The following RUNDC3B variants were observed in gnomAD, a reference collection of about 807,000 sequenced individuals.
The protein encoded by RUNDC3B is RUN domain-containing protein 3B.
RUNDC3B carries 33 observed loss-of-function variants against 58.4 expected under a neutral mutation model. The ratio of observed to expected loss-of-function variants is 0.56; its 90% CI spans 0.43 to 0.75. The LOEUF is 0.75. Ranked by LOEUF, RUNDC3B falls within the 30% of genes least tolerant of loss-of-function variation. RUNDC3B has a pLI of 0.00. For missense variants in RUNDC3B, 501 were observed against 535.7 expected (o/e 0.94, Z 0.64); for synonymous variants, 193 against 195.2 (o/e 0.99, Z 0.10).
chr7:87,660,571 T>G (rs1399966893), intron 2 of RUNDC3B, among the ~76,000 whole-genome samples: 1 of 152,016 alleles, frequency 6.6e-6, no homozygotes, highest in Non-Finnish European at 1.5e-5. Context: ...TGCCAGAGAT[T>G]TGTCTGTTTT....
chr7:87,818,978 C>G (rs1198937028), intron 10 of RUNDC3B, among the ~76,000 whole-genome samples: 3 of 152,274 alleles, frequency 2.0e-5, no homozygotes, highest in South Asian at 4.1e-4. Context: ...CTTCCGGCAG[C>G]ACTCCTCTCA....
At chr7:87,817,590 A>G (rs1837128346) in intron 10 of RUNDC3B, among the ~76,000 whole-genome samples, 1 of 152,156 alleles carries the variant, frequency 6.6e-6, no homozygotes, top group Admixed American at 6.5e-5. Context: ...CCACTGCCCC[A>G]GAGCTTCTTT....
At chr7:87,753,003 G>T (rs1833115400) in intron 6 of RUNDC3B, among the ~76,000 whole-genome samples, 1 of 151,910 alleles carries the variant, frequency 6.6e-6, no homozygotes, top group South Asian at 2.1e-4. Flanking sequence ...GCTTTCTCTT[G>T]TGGTCATTTA....
rs1246844275 is a variant in RUNDC3B, at chr7:87,831,109, T to C, written c.*1079T>C. 8 of 151,424 alleles carry C rather than the reference T, an allele frequency of 5.3e-5. No individual in the cohort carries two copies. Among genetic ancestry groups the C allele is most frequent in the Non-Finnish European group, 8.9e-5 (6 of 67,728 alleles). 9.4% of individuals were successfully genotyped at this position (151,424 alleles called of 1,614,324 possible). A position where few individuals can be genotyped will look rare whatever the true frequency, so the allele number is the denominator to read the frequency against. ...TTTTTTAAAGTTGTAATCTGTACTT[T>C]TTTTTTTTTGCAATTTTTGAAACAG... On this transcript the variant is annotated 3_prime_UTR_variant, in exon 11 of 11. Coordinates refer to ENST00000394654, the MANE Select transcript of RUNDC3B (RefSeq NM_001134405.2).
At position 87,642,748 on chromosome 7, in the gene RUNDC3B, T is replaced by C. The variant is rs183510277; in HGVS notation, c.123-8074T>C. Among the ~76,000 whole-genome samples the C allele has an allele frequency of 3.9e-3, 599 of 152,246 alleles. 1 individual carries two copies. The highest frequency in any genetic ancestry group is 6.7e-3 in the Non-Finnish European group (457 of 68,014). On this transcript the variant is annotated intron_variant, in intron 1 of 10. Coordinates refer to ENST00000394654, the MANE Select transcript of RUNDC3B (RefSeq NM_001134405.2). ...AGTGTGCTTCTAACGTTATTTTTTA[T>C]GTTTGGCAATCTGCTGTCATCAGTC...
At chr7:87,688,973 G>A (rs1827748975) in intron 2 of RUNDC3B, among the ~76,000 whole-genome samples, 1 of 151,862 alleles carries the variant, frequency 6.6e-6, no homozygotes, top group Non-Finnish European at 1.5e-5. Context: ...CTTATTTACA[G>A]AATGAGAGAT....
intron 10 of RUNDC3B, among the ~76,000 whole-genome samples, chr7:87,828,813 A>G (rs919258773): frequency 1.3e-5 from 2 of 152,196 alleles, no homozygotes; most frequent in African/African-American, 4.8e-5. Context: ...GCTTTCCACA[A>G]TGGCTGAACT....
At position 87,798,723 on chromosome 7, in the gene RUNDC3B, TTTC is replaced by T. The variant is rs1339033042; in HGVS notation, c.957-8644_957-8642del. Among the ~76,000 whole-genome samples the T allele has an allele frequency of 5.9e-5, 9 of 152,344 alleles. No homozygotes were observed. The East Asian group carries it at 1.3e-3, about 23-fold the overall frequency. On this transcript the variant is annotated intron_variant, in intron 8 of 10. Coordinates refer to ENST00000394654, the MANE Select transcript of RUNDC3B (RefSeq NM_001134405.2). ...GTTCTAAATTACTCATTAATGTCTCTTTCTTCTTAAAGGATAGTGTCAAGTTCT... is the reference window on the plus strand; with the variant it reads ...GTTCTAAATTACTCATTAATGTCTCTTTCTTAAAGGATAGTGTCAAGTTCT...
intron 2 of RUNDC3B, among the ~76,000 whole-genome samples, chr7:87,665,704 C>T (rs1825160472): frequency 6.6e-6 from 1 of 152,084 alleles, no homozygotes; most frequent in Admixed American, 6.6e-5. Context: ...CCTTCACTCT[C>T]AAGTAGACCT....
chr7:87,753,631 G>T (rs138615885), intron 6 of RUNDC3B, among the ~76,000 whole-genome samples: 1 of 152,210 alleles, frequency 6.6e-6, no homozygotes, highest in African/African-American at 2.4e-5. Flanking sequence ...TTATGTAATG[G>T]CCTTCTTTGT....
chr7:87,831,971 T>G lies in RUNDC3B; in HGVS notation c.*1941T>G, dbSNP rs942906456. ...TTGTCTAATGTGTAATTTGTGCATCTTCACATGCTGCTAAATGCAGATTTA... is the reference window on the plus strand; with the variant it reads ...TTGTCTAATGTGTAATTTGTGCATCGTCACATGCTGCTAAATGCAGATTTA... On this transcript the variant is annotated 3_prime_UTR_variant, in exon 11 of 11. Coordinates refer to ENST00000394654, the MANE Select transcript of RUNDC3B (RefSeq NM_001134405.2). 5 of 151,996 alleles carry G rather than the reference T, an allele frequency of 3.3e-5. No homozygotes were observed. Among genetic ancestry groups the G allele is most frequent in the African/African-American group, 1.2e-4 (5 of 41,436 alleles). 9.4% of individuals were successfully genotyped at this position (151,996 alleles called of 1,614,324 possible). A position where few individuals can be genotyped will look rare whatever the true frequency, so the allele number is the denominator to read the frequency against.
intron 1 of RUNDC3B, among the ~76,000 whole-genome samples, chr7:87,630,285 T>C (rs1161630615): frequency 6.6e-6 from 1 of 152,228 alleles, no homozygotes; most frequent in African/African-American, 2.4e-5. Context: ...ACAGTGACTT[T>C]TTAAAAAATA....
intron 6 of RUNDC3B, among the ~76,000 whole-genome samples, chr7:87,768,284 G>T (rs141042549): frequency 1.3e-5 from 2 of 152,158 alleles, no homozygotes; most frequent in Non-Finnish European, 1.5e-5. Flanking sequence ...TGAGTGCTTT[G>T]GTGGGCTGCA....
intron 8 of RUNDC3B, among the ~76,000 whole-genome samples, chr7:87,789,476 T>C: frequency 6.6e-6 from 1 of 152,136 alleles, no homozygotes; most frequent in Admixed American, 6.5e-5. Flanking sequence ...GATGCACAAG[T>C]TTAAGATGAG....
intron 4 of RUNDC3B, among the ~76,000 whole-genome samples, chr7:87,714,781 T>C (rs763959238): frequency 1.3e-5 from 2 of 151,904 alleles, no homozygotes; most frequent in Non-Finnish European, 2.9e-5. Flanking sequence ...CCCCGCCCCA[T>C]GCATCCGTTT....
At chr7:87,773,500 T>C (rs1298618683) in intron 7 of RUNDC3B, among the ~76,000 whole-genome samples, 1 of 152,198 alleles carries the variant, frequency 6.6e-6, no homozygotes, top group Non-Finnish European at 1.5e-5. Flanking sequence ...GAGTAATTTA[T>C]AGATTGAACG....
intron 3 of RUNDC3B, among the ~76,000 whole-genome samples, chr7:87,704,255 G>A (rs1048958972): frequency 1.3e-5 from 2 of 151,966 alleles, no homozygotes; most frequent in East Asian, 3.9e-4. Context: ...TATGGCTTAA[G>A]AATTATATCT....
rs7784510 is a variant in RUNDC3B, at chr7:87,668,252, A to C, written c.238+17315A>C. 3.3e-3 allele frequency among the ~76,000 whole-genome samples: 493 copies of C among 151,532 alleles called. 3 individuals are homozygous for C. The highest frequency in any genetic ancestry group is 0.011 in the African/African-American group (464 of 41,274). ...GTCCAGGAATTTACTCATCTCTTCT[A>C]GGTTTTCTAGTTTGTGTATGTAGAG... On this transcript the variant is annotated intron_variant, in intron 2 of 10. Coordinates refer to ENST00000394654, the MANE Select transcript of RUNDC3B (RefSeq NM_001134405.2).
chr7:87,736,297 T>G (rs1831927946), intron 4 of RUNDC3B, among the ~76,000 whole-genome samples: 1 of 152,186 alleles, frequency 6.6e-6, no homozygotes, highest in African/African-American at 2.4e-5. Flanking sequence ...AAACATCACA[T>G]TAGATAGTAT....
Sources: allele counts gnomAD v4.1 joint callset (sites outside exome capture counted in the v4.1 genomes callset), GRCh38; gene constraint gnomAD v4.1.1; transcripts MANE v1.5; gene names NCBI Gene and HGNC (gene_info 2026-07-23, HGNC 2026-07-21).